Variants in SDK1 observed in about 807,000 individuals in gnomAD.
SDK1 encodes the protein sidekick cell adhesion molecule 1.
A neutral mutation model predicts 245.5 loss-of-function variants in SDK1; 157 were observed. The observed-to-expected ratio is 0.64, with a 90% confidence interval of 0.56 to 0.73. The LOEUF (loss-of-function observed/expected upper bound fraction) is 0.73, where lower values mean the gene tolerates loss of function less well. Among genes scored for constraint, SDK1 ranks in the 30% least tolerant of loss-of-function variants. SDK1 has a pLI of 0.00. For synonymous variants in SDK1, 1,647 were observed against 1,278.5 expected, an observed-to-expected ratio of 1.29 and a Z score of -6.15; for missense variants, 3,583 against 3,002.3, an observed-to-expected ratio of 1.19 and a Z score of -4.52.
intron 5 of SDK1, among the ~76,000 whole-genome samples, chr7:3,854,871 G>C (rs1450548285): frequency 6.6e-6 from 1 of 152,170 alleles, no homozygotes; most frequent in African/African-American, 2.4e-5. Context: ...GACAAAGTTG[G>C]ATTGAAAAGA....
chr7:4,047,622 A>G (rs1209444540), intron 17 of SDK1, among the ~76,000 whole-genome samples: 1 of 152,202 alleles, frequency 6.6e-6, no homozygotes, highest in Non-Finnish European at 1.5e-5. Context: ...CCTCTCTTGT[A>G]GCTCACATTC....
chr7:3,482,023 A>G (rs1781536709), intron 1 of SDK1, among the ~76,000 whole-genome samples: 1 of 141,912 alleles, frequency 7.0e-6, no homozygotes, highest in Non-Finnish European at 1.6e-5. Context: ...TAATCAAAAC[A>G]TATAAAAATG....
intron 4 of SDK1, among the ~76,000 whole-genome samples, chr7:3,644,793 C>CCAAAAAA (rs1782773270): frequency 9.2e-6 from 1 of 108,862 alleles, no homozygotes; most frequent in African/African-American, 3.6e-5. Context: ...AAAAAAAAAA[C>CCAAAAAA]AAAAAACAAC....
At chr7:3,355,689 C>A (rs1036037902) in intron 1 of SDK1, among the ~76,000 whole-genome samples, 4 of 152,050 alleles carry the variant, frequency 2.6e-5, no homozygotes, top group Admixed American at 1.3e-4. Flanking sequence ...CTGCAGACAC[C>A]CGTCATTGCA....
At chr7:3,347,293 T>C (rs139928803) in intron 1 of SDK1, among the ~76,000 whole-genome samples, 2 of 152,226 alleles carry the variant, frequency 1.3e-5, no homozygotes, top group African/African-American at 2.4e-5. Context: ...TTATACTCTT[T>C]TGTATATGGA....
chr7:4,137,550 T>TGGTGG (rs1275651132), intron 28 of SDK1, among the ~76,000 whole-genome samples: 1 of 152,186 alleles, frequency 6.6e-6, no homozygotes, highest in Non-Finnish European at 1.5e-5. Flanking sequence ...GTCTTCCAGG[T>TGGTGG]GTATTCAGAA....
At chr7:3,667,728 G>A (rs184673155) in intron 4 of SDK1, among the ~76,000 whole-genome samples, 8 of 152,234 alleles carry the variant, frequency 5.3e-5, no homozygotes, top group Non-Finnish European at 7.4e-5. Context: ...GCTTGTTTCA[G>A]TTCTCGTAAT....
chr7:4,119,530 A>G (rs147917247), intron 25 of SDK1, among the ~76,000 whole-genome samples: 1,823 of 148,840 alleles, frequency 0.012, 168 homozygotes, highest in South Asian at 0.028. Flanking sequence ...TCTGTGTGTA[A>G]TATCTTCTTA....
At chr7:3,510,880 C>T (rs552946842) in intron 1 of SDK1, among the ~76,000 whole-genome samples, 36 of 152,324 alleles carry the variant, frequency 2.4e-4, no homozygotes, top group African/African-American at 8.4e-4. Flanking sequence ...TCTGCTGGCC[C>T]TGCAGCCGCC....
intron 25 of SDK1, among the ~76,000 whole-genome samples, chr7:4,124,309 T>A (rs1784244258): frequency 6.6e-6 from 1 of 152,216 alleles, no homozygotes; most frequent in South Asian, 2.1e-4. Context: ...GCTGGAGGTG[T>A]TGGCAGGGCC....
chr7:4,248,703 CAT>C (rs200114632), intron 44 of SDK1, among the ~76,000 whole-genome samples: 610 of 152,108 alleles, frequency 4.0e-3, no homozygotes, highest in African/African-American at 0.014. Context: ...TACATGCACA[CAT>C]GTACACACAC....
intron 4 of SDK1, among the ~76,000 whole-genome samples, chr7:3,713,702 C>G (rs1240746488): frequency 6.6e-6 from 1 of 152,152 alleles, no homozygotes; most frequent in Non-Finnish European, 1.5e-5. Context: ...GATCATAGAA[C>G]CTGGACTAGA....
Position 3,403,851 on chromosome 7 carries a change from A to AT in SDK1, c.298+101968dup, listed in dbSNP as rs1562466133. The stretch of plus-strand genomic sequence containing the variant: ...TATATATATATATATATATATATAT[A>AT]TATATATATATATATATAATATATA... On this transcript the variant is annotated intron_variant, in intron 1 of 44. Transcript: ENST00000404826. 4.9e-4 allele frequency among the ~76,000 whole-genome samples: 44 copies of AT among 90,002 alleles called. 1 individual carries two copies. Among genetic ancestry groups the AT allele is most frequent in the African/African-American group, 2.8e-3 (41 of 14,764 alleles). The allele number at this position is 90,002 out of a possible 152,430, so 59.0% of individuals were successfully genotyped here.
At chr7:3,961,001 A>G (rs1005431987) in intron 8 of SDK1, among the ~76,000 whole-genome samples, 4 of 152,234 alleles carry the variant, frequency 2.6e-5, no homozygotes, top group African/African-American at 9.6e-5. Flanking sequence ...TGTACTAACA[A>G]TTATTTTTCA....
rs773878318 is a variant in SDK1, at chr7:4,149,418, A to G, written c.4580A>G (p.Tyr1527Cys). ...CTGCCTCGGGGTGAGTGGCAGACCT[A>G]CTCCTCGTCCATCAGCCATGAGGCG... ...RELPRGEWQT[Y>C]SSSISHEATA... The change falls in exon 30 of 45, where the codon TAC becomes TGC. Residue 1527 changes from tyrosine (Y) to cysteine (C), a missense_variant. Coordinates refer to ENST00000404826, the MANE Select transcript of SDK1 (RefSeq NM_152744.4). The G allele has an allele frequency of 1.3e-6, 2 of 1,568,482 alleles. No homozygotes were observed. The highest frequency in any genetic ancestry group is 4.8e-5 in the East Asian group (2 of 41,240).
intron 1 of SDK1, among the ~76,000 whole-genome samples, chr7:3,603,075 G>T (rs1036745297): frequency 6.6e-6 from 1 of 151,756 alleles, no homozygotes; most frequent in Non-Finnish European, 1.5e-5. Context: ...TGCTGTTTTG[G>T]TTACTGTAGC....
chr7:4,185,487 A>G (rs1782833938), intron 35 of SDK1, among the ~76,000 whole-genome samples: 1 of 151,884 alleles, frequency 6.6e-6, no homozygotes, highest in South Asian at 2.1e-4. Context: ...CCCCTCCTTG[A>G]GTATGTGCCC....
intron 31 of SDK1, 80 bp downstream of exon 31, chr7:4,158,631 AGCCAGAAAGGG>A (rs968896750): frequency 3.8e-6 from 4 of 1,057,586 alleles, no homozygotes; most frequent in Non-Finnish European, 5.8e-6. Flanking sequence ...TTTCGTCTTG[AGCCAGAAAGGG>A]GCCACCAGGG....
rs965810946 is a variant in SDK1, at chr7:3,974,426, G to C, written c.1875G>C (p.Val625=). ...ALTPSSTSRI[V]VEKDGSLLIS... ...CTCCATCGAGCACGTCTAGGATCGT[G>C]GTGGAGAAGGACGGGTCCCTTCTCA... Residue 625 remains valine (V), a synonymous_variant, in exon 13 of 45, where the codon GTG becomes GTC. Transcript: ENST00000404826. The C allele has an allele frequency of 1.2e-6, 2 of 1,614,040 alleles. No homozygotes were observed. Among genetic ancestry groups the C allele is most frequent in the African/African-American group, 2.7e-5 (2 of 74,908 alleles).
Sources: allele counts gnomAD v4.1 joint callset (sites outside exome capture counted in the v4.1 genomes callset), GRCh38; gene constraint gnomAD v4.1.1; transcripts MANE v1.5; gene names NCBI Gene and HGNC (gene_info 2026-07-23, HGNC 2026-07-21).